ZFP36: variants seen among roughly 807,000 people sequenced by gnomAD.
ZFP36 encodes the protein ZFP36 zinc finger CCCH-type.
ZFP36 carries 13 observed loss-of-function variants against 19.8 expected under a neutral mutation model. The observed-to-expected ratio is 0.66, with a 90% confidence interval of 0.43 to 1.04. The LOEUF (loss-of-function observed/expected upper bound fraction) is 1.04, where lower values mean the gene tolerates loss of function less well. Ranked by LOEUF, ZFP36 falls within the 50% of genes least tolerant of loss-of-function variation. The pLI, the probability that ZFP36 is intolerant of heterozygous loss-of-function variation, is 0.00. For missense variants in ZFP36, 354 were observed against 441.6 expected (o/e 0.80, Z 1.78); for synonymous variants, 191 against 194.5 (o/e 0.98, Z 0.15).
rs376202945 is a variant in ZFP36, at chr19:39,408,004, G to A, written c.286G>A (p.Ala96Thr). The change falls in exon 2 of 2, where the codon GCA becomes ACA. Residue 96 changes from alanine to threonine, a missense_variant. Ala to Thr is a moderately conservative substitution (Grantham distance 58). Coordinates refer to ENST00000597629, the MANE Select transcript of ZFP36 (RefSeq NM_003407.5). The surrounding 1 kb of genome is among the most constrained non-coding windows in gnomAD (Gnocchi z 6.0). ...GTCACCCTCACCCACTTCGCCCACT[G>A]CAACCTCCACCACCCCCTCGCGCTA... is the stretch of plus-strand genomic sequence containing the variant. Reference protein sequence around the residue: ...ELSPSPTSPTATSTTPSRYKT... With the variant: ...ELSPSPTSPTTTSTTPSRYKT... The A allele has an allele frequency of 8.7e-6, 14 of 1,611,588 alleles. No individual in the cohort carries two copies.
chr19:39,407,666 G>T lies in ZFP36; in HGVS notation c.25-77G>T. 1 of 1,370,054 alleles carries T rather than the reference G, an allele frequency of 7.3e-7. No individual in the cohort carries two copies. Among genetic ancestry groups the T allele is most frequent in the African/African-American group, 1.5e-5 (1 of 68,752 alleles). 84.9% of individuals were successfully genotyped at this position (1,370,054 alleles called of 1,614,324 possible). The stretch of plus-strand genomic sequence containing the variant: ...GGCGGGGAGCCCACAAACCGGCCTG[G>T]CAAGCTCTAGTTCCCTGCAGCTGGG... On this transcript the variant is annotated intron_variant, in intron 1 of 1. Transcript: ENST00000597629. This position sits in a 1 kb window ranked among gnomAD's most constrained non-coding sequence, Gnocchi z 7.6.
rs886723738 is a variant in ZFP36, at chr19:39,407,200, C to T, written c.24+272C>T. The T allele has an allele frequency of 1.9e-6, 1 of 537,746 alleles. No individual in the cohort carries two copies. Among genetic ancestry groups the T allele is most frequent in the Non-Finnish European group, 3.3e-6 (1 of 305,232 alleles). 33.3% of individuals were successfully genotyped at this position (537,746 alleles called of 1,614,324 possible). ...GAAAGTCGGAGAACTTTTCTCAGAC[C>T]GAGGCTGCCTGGAGGCGGAAGTGGC... On this transcript the variant is annotated intron_variant, in intron 1 of 1. Coordinates refer to ENST00000597629, the MANE Select transcript of ZFP36 (RefSeq NM_003407.5). This position sits in a 1 kb window ranked among gnomAD's most constrained non-coding sequence, Gnocchi z 7.6.
chr19:39,408,833 A>G lies in ZFP36; in HGVS notation c.*134A>G, dbSNP rs1600635071. The G allele has an allele frequency of 1.1e-6, 1 of 898,802 alleles. No individual in the cohort carries two copies. The highest frequency in any genetic ancestry group is 1.6e-6 in the Non-Finnish European group (1 of 612,148). 55.7% of individuals were successfully genotyped at this position (898,802 alleles called of 1,614,324 possible). On this transcript the variant is annotated 3_prime_UTR_variant, in exon 2 of 2. Coordinates refer to ENST00000597629, the MANE Select transcript of ZFP36 (RefSeq NM_003407.5). The surrounding 1 kb of genome is among the most constrained non-coding windows in gnomAD (Gnocchi z 6.0). ...CAAGTAATCCCCTTTTCCAGAATGC[A>G]TTAACCCACTCCCCTGACCTCACGC... is the stretch of plus-strand genomic sequence containing the variant.
In ZFP36 at chr19:39,408,081, G is replaced by C; in HGVS notation, c.363G>C (p.Gly121=). ...CAGAGAGTGGGCGCTGCCGCTACGG[G>C]GCCAAGTGCCAGTTTGCCCATGGCC... ...TFSESGRCRY[G]AKCQFAHGLG... is the part of the protein sequence containing the mutation. The change falls in exon 2 of 2, where the codon GGG becomes GGC. Residue 121 remains glycine, a synonymous_variant. Transcript: ENST00000597629. The surrounding 1 kb of genome is among the most constrained non-coding windows in gnomAD (Gnocchi z 6.0). 6.2e-7 allele frequency: 1 copy of C among 1,613,974 alleles called. No homozygotes were observed. The highest frequency in any genetic ancestry group is 8.5e-7 in the Non-Finnish European group (1 of 1,180,020).
Position 39,408,109 on chromosome 19 carries a change from G to A in ZFP36, c.391G>A (p.Gly131Ser), listed in dbSNP as rs1265380888. ...GAKCQFAHGLGELRQANRHPK... is the reference protein window; with the variant it reads ...GAKCQFAHGLSELRQANRHPK... ...CAAGTGCCAGTTTGCCCATGGCCTG[G>A]GCGAGCTGCGCCAGGCCAATCGCCA... Residue 131 changes from glycine (G) to serine (S), a missense_variant, in exon 2 of 2, where the codon GGC becomes AGC. Transcript: ENST00000597629. The surrounding 1 kb of genome is among the most constrained non-coding windows in gnomAD (Gnocchi z 6.0). The A allele has an allele frequency of 6.2e-7, 1 of 1,613,962 alleles. No individual in the cohort carries two copies. Among genetic ancestry groups the A allele is most frequent in the Admixed American group, 1.7e-5 (1 of 60,034 alleles).
Position 39,407,864 on chromosome 19 carries a change from G to T in ZFP36, c.146G>T (p.Gly49Val), listed in dbSNP as rs1197578887. The change falls in exon 2 of 2, where the codon GGG becomes GTG. Residue 49 changes from glycine (G) to valine (V), a missense_variant. Transcript: ENST00000597629. The surrounding 1 kb of genome is among the most constrained non-coding windows in gnomAD (Gnocchi z 7.6). ...AGCCCCTCCGACTCCAGCCCGTCTGGGGTCACCTCCCGCCTGCCTGGCCGC... is the reference window on the plus strand; with the variant it reads ...AGCCCCTCCGACTCCAGCCCGTCTGTGGTCACCTCCCGCCTGCCTGGCCGC... ...SLSPSDSSPS[G>V]VTSRLPGRST... The T allele has an allele frequency of 6.2e-7, 1 of 1,605,428 alleles. No homozygotes were observed. Among genetic ancestry groups the T allele is most frequent in the Non-Finnish European group, 8.5e-7 (1 of 1,179,302 alleles).
At position 39,407,058 on chromosome 19, in the gene ZFP36, C is replaced by A; in HGVS notation, c.24+130C>A. On this transcript the variant is annotated intron_variant, in intron 1 of 1. Coordinates refer to ENST00000597629, the MANE Select transcript of ZFP36 (RefSeq NM_003407.5). This position sits in a 1 kb window ranked among gnomAD's most constrained non-coding sequence, Gnocchi z 7.6. ...CAACTGGGGCTCCCTAGCGCCGCGC[C>A]CTCCAGCCTGGGGCCCCTGCCTCCC... The A allele has an allele frequency of 8.1e-7, 1 of 1,227,132 alleles. No homozygotes were observed. Among genetic ancestry groups the A allele is most frequent in the Non-Finnish European group, 1.1e-6 (1 of 901,852 alleles). The allele number at this position is 1,227,132 out of a possible 1,614,324, so 76.0% of individuals were successfully genotyped here.
chr19:39,408,417 T>G lies in ZFP36; in HGVS notation c.699T>G (p.Ser233=). Residue 233 remains serine, a synonymous_variant, in exon 2 of 2, where the codon TCT becomes TCG. Transcript: ENST00000597629. The surrounding 1 kb of genome is among the most constrained non-coding windows in gnomAD (Gnocchi z 6.0). ...TTCCACTGTCACCCTCTGCCTTCTC[T>G]GCTGCCCCTGGCACCCCCCTGGCTC... The part of the protein sequence containing the change: ...GDLPLSPSAF[S]AAPGTPLARR... The G allele has an allele frequency of 6.2e-7, 1 of 1,613,722 alleles. No homozygotes were observed. Among genetic ancestry groups the G allele is most frequent in the Non-Finnish European group, 8.5e-7 (1 of 1,179,842 alleles).
In ZFP36 at chr19:39,406,942, G is replaced by A; in HGVS notation, c.24+14G>A. 1.2e-6 allele frequency: 2 copies of A among 1,610,632 alleles called. No homozygotes were observed. Among genetic ancestry groups the A allele is most frequent in the Non-Finnish European group, 1.7e-6 (2 of 1,179,000 alleles). On this transcript the variant is annotated intron_variant, in intron 1 of 1. Transcript: ENST00000597629. ...GCCATCTACGAGGTGAGTCCCCGCCGCACGGCATCCCCGGTACCTGCATGC... is the reference window on the plus strand; with the variant it reads ...GCCATCTACGAGGTGAGTCCCCGCCACACGGCATCCCCGGTACCTGCATGC...
rs759434188 is a variant in ZFP36, at chr19:39,408,432, C to A, written c.714C>A (p.Thr238=). 6.2e-7 allele frequency: 1 copy of A among 1,613,006 alleles called. No homozygotes were observed. The highest frequency in any genetic ancestry group is 1.1e-5 in the South Asian group (1 of 90,982). Residue 238 remains threonine, a synonymous_variant, in exon 2 of 2, where the codon ACC becomes ACA. Coordinates refer to ENST00000597629, the MANE Select transcript of ZFP36 (RefSeq NM_003407.5). The surrounding 1 kb of genome is among the most constrained non-coding windows in gnomAD (Gnocchi z 6.0). ...CTGCCTTCTCTGCTGCCCCTGGCAC[C>A]CCCCTGGCTCGAAGAGACCCCACCC... The part of the protein sequence containing the change: ...SPSAFSAAPG[T]PLARRDPTPV...
At position 39,408,458 on chromosome 19, in the gene ZFP36, C is replaced by T. The variant is rs1198323487; in HGVS notation, c.740C>T (p.Pro247Leu). 1 of 1,610,156 alleles carries T rather than the reference C, an allele frequency of 6.2e-7. No individual in the cohort carries two copies. Among genetic ancestry groups the T allele is most frequent in the Admixed American group, 1.7e-5 (1 of 59,598 alleles). Reference protein sequence around the residue: ...GTPLARRDPTPVCCPSCRRAT... With the variant: ...GTPLARRDPTLVCCPSCRRAT... ...CCCCTGGCTCGAAGAGACCCCACCC[C>T]AGTCTGTTGCCCCTCCTGCCGAAGG... is the stretch of plus-strand genomic sequence containing the variant. Residue 247 changes from proline to leucine, a missense_variant, in exon 2 of 2, where the codon CCA becomes CTA. Physicochemically the swap from Pro to Leu is moderately conservative, Grantham distance 98. Transcript: ENST00000597629. This position sits in a 1 kb window ranked among gnomAD's most constrained non-coding sequence, Gnocchi z 6.0.
chr19:39,407,030 C>T lies in ZFP36; in HGVS notation c.24+102C>T. 1.4e-6 allele frequency: 2 copies of T among 1,446,868 alleles called. No homozygotes were observed. Among genetic ancestry groups the T allele is most frequent in the Non-Finnish European group, 1.9e-6 (2 of 1,066,532 alleles). The allele number at this position is 1,446,868 out of a possible 1,614,324, so 89.6% of individuals were successfully genotyped here. ...CCAGCCCGGGACGCTTGCCTCCCTT[C>T]TCCAACTGGGGCTCCCTAGCGCCGC... On this transcript the variant is annotated intron_variant, in intron 1 of 1. Coordinates refer to ENST00000597629, the MANE Select transcript of ZFP36 (RefSeq NM_003407.5). This position sits in a 1 kb window ranked among gnomAD's most constrained non-coding sequence, Gnocchi z 7.6.
Position 39,407,123 on chromosome 19 carries a change from C to A in ZFP36, c.24+195C>A. 1 of 580,634 alleles carries A rather than the reference C, an allele frequency of 1.7e-6. No homozygotes were observed. The highest frequency in any genetic ancestry group is 2.9e-6 in the Non-Finnish European group (1 of 341,796). 36.0% of individuals were successfully genotyped at this position (580,634 alleles called of 1,614,324 possible). ...GGTGATTTGGAGGTGAAAATGGAAC[C>A]CGCGACACCCGGCTCTTCGCTCAAA... On this transcript the variant is annotated intron_variant, in intron 1 of 1. Coordinates refer to ENST00000597629, the MANE Select transcript of ZFP36 (RefSeq NM_003407.5). The surrounding 1 kb of genome is among the most constrained non-coding windows in gnomAD (Gnocchi z 7.6).
In ZFP36 at chr19:39,408,207, C is replaced by T. The variant is rs146479828; in HGVS notation, c.489C>T (p.His163=). The change falls in exon 2 of 2, where the codon CAC becomes CAT. Residue 163 remains histidine, a synonymous_variant. Coordinates refer to ENST00000597629, the MANE Select transcript of ZFP36 (RefSeq NM_003407.5). This position sits in a 1 kb window ranked among gnomAD's most constrained non-coding sequence, Gnocchi z 6.0. Reference sequence around the variant, plus strand: ...GCTGCCCCTACGGCTCTCGCTGCCACTTCATCCACAACCCTAGCGAAGACC... The same window carrying T: ...GCTGCCCCTACGGCTCTCGCTGCCATTTCATCCACAACCCTAGCGAAGACC... ...QGRCPYGSRC[H]FIHNPSEDLA... The T allele has an allele frequency of 1.9e-6, 3 of 1,614,018 alleles. No individual in the cohort carries two copies. The highest frequency in any genetic ancestry group is 1.7e-5 in the Admixed American group (1 of 60,034).
chr19:39,408,027 C>T lies in ZFP36; in HGVS notation c.309C>T (p.Arg103=), dbSNP rs3746083. ...CTGCAACCTCCACCACCCCCTCGCG[C>T]TACAAGACTGAGCTATGTCGGACCT... is the stretch of plus-strand genomic sequence containing the variant. ...SPTATSTTPS[R]YKTELCRTFS... Residue 103 remains arginine (R), a synonymous_variant, in exon 2 of 2, where the codon CGC becomes CGT. Transcript: ENST00000597629. This position sits in a 1 kb window ranked among gnomAD's most constrained non-coding sequence, Gnocchi z 6.0. 0.04 allele frequency: 64,005 copies of T among 1,613,562 alleles called. 1,318 individuals are homozygous for T. Among genetic ancestry groups the T allele is most frequent in the Middle Eastern group, 0.05 (302 of 6,062 alleles).
At position 39,406,894 on chromosome 19, in the gene ZFP36, A is replaced by T. The variant is rs1313177825; in HGVS notation, c.-11A>T. 1.9e-6 allele frequency: 3 copies of T among 1,608,994 alleles called. No individual in the cohort carries two copies. In the South Asian group the frequency reaches 3.3e-5, roughly 18 times the overall value. On this transcript the variant is annotated 5_prime_UTR_variant, in exon 1 of 2. Coordinates refer to ENST00000597629, the MANE Select transcript of ZFP36 (RefSeq NM_003407.5). ...TCTCGGCCGACACCCCTCATGGCCA[A>T]CCGTTACACCATGGATCTGACTGCC...
rs751888050 is a variant in ZFP36 at position 39,408,697 on chromosome 19, T to C, written c.979T>C (p.Ter327ArgextTer46). 1.3e-6 allele frequency: 2 copies of C among 1,553,216 alleles called. No homozygotes were observed. Among genetic ancestry groups the C allele is most frequent in the Non-Finnish European group, 1.7e-6 (2 of 1,155,720 alleles). The change falls in exon 2 of 2, where the codon TGA (stop) becomes CGA (arginine). Residue 327 changes from the stop codon to arginine, a stop_lost. Transcript: ENST00000597629. This position sits in a 1 kb window ranked among gnomAD's most constrained non-coding sequence, Gnocchi z 6.0. ...PIFNRISVSE* is the reference protein window; with the variant it reads ...PIFNRISVSER ...CTTCAATCGCATCTCTGTTTCTGAG[T>C]GACAAAGTGACTGCCCGGTCAGATC...
rs1398511065 is a variant in ZFP36, at chr19:39,409,183, T to C, written c.*484T>C. 5.2e-5 allele frequency: 8 copies of C among 153,114 alleles called. No homozygotes were observed. Among genetic ancestry groups the C allele is most frequent in the African/African-American group, 1.4e-4 (6 of 41,512 alleles). The allele number at this position is 153,114 out of a possible 1,614,324, so 9.5% of individuals were successfully genotyped here. A position where few individuals can be genotyped will look rare whatever the true frequency, so the allele number is the denominator to read the frequency against. On this transcript the variant is annotated 3_prime_UTR_variant, in exon 2 of 2. Coordinates refer to ENST00000597629, the MANE Select transcript of ZFP36 (RefSeq NM_003407.5). ...TTGCCAAACCCCACCCATAAATCAA[T>C]GGGCCCTTTATTTATGACGACTTTA...
In ZFP36 at chr19:39,408,622, G is replaced by A. The variant is rs781407248; in HGVS notation, c.904G>A (p.Gly302Arg). 5 of 1,607,542 alleles carry A rather than the reference G, an allele frequency of 3.1e-6. No individual in the cohort carries two copies. The highest frequency in any genetic ancestry group is 1.1e-5 in the South Asian group (1 of 90,240). ...GGSDSPVFEA[G>R]VFAPPQPVAA... ...CTCTGACTCTCCCGTCTTCGAGGCG[G>A]GAGTTTTTGCACCACCCCAGCCCGT... The change falls in exon 2 of 2, where the codon GGA becomes AGA. Residue 302 changes from glycine (G) to arginine (R), a missense_variant. By Grantham distance (125) the Gly-to-Arg change is moderately radical. Coordinates refer to ENST00000597629, the MANE Select transcript of ZFP36 (RefSeq NM_003407.5). This position sits in a 1 kb window ranked among gnomAD's most constrained non-coding sequence, Gnocchi z 6.0.
Sources: allele counts gnomAD v4.1 joint callset, GRCh38; gene constraint gnomAD v4.1.1; non-coding constraint Gnocchi (gnomAD v3.1); transcripts MANE v1.5; gene names NCBI Gene and HGNC (gene_info 2026-07-23, HGNC 2026-07-21).